Variants in SV2C observed in about 807,000 individuals in gnomAD.
SV2C encodes solute carrier family 22 member B3.
In SV2C, 49 loss-of-function variants were observed where a neutral mutation model predicts 79.7. The ratio of observed to expected loss-of-function variants is 0.61; its 90% CI spans 0.49 to 0.78. The LOEUF is 0.78. Among genes scored for constraint, SV2C ranks in the 30% least tolerant of loss-of-function variants. The probability of loss-of-function intolerance (pLI) is 0.00; values close to 1 mark genes in which losing one functional copy is unlikely to be tolerated. For missense variants in SV2C, 833 were observed against 912.9 expected, an observed-to-expected ratio of 0.91 and a Z score of 1.13; for synonymous variants, 334 against 333.2, an observed-to-expected ratio of 1.00 and a Z score of -0.03.
chr5:76,025,104 T>C, the SV2C span, among the ~76,000 whole-genome samples: 30,258 of 151,856 alleles, frequency 0.2, 3,418 homozygotes, highest in East Asian at 0.49. Flanking sequence ...TGGAATCAAT[T>C]TGAAAACACA....
At chr5:76,288,601 G>T (rs1387484940) in intron 6 of SV2C, among the ~76,000 whole-genome samples, 1 of 152,156 alleles carries the variant, frequency 6.6e-6, no homozygotes, top group African/African-American at 2.4e-5. Context: ...TTCTGAGAAG[G>T]TGTCTCTATA....
At chr5:75,892,571 C>T in the SV2C span, among the ~76,000 whole-genome samples, 39 of 152,164 alleles carry the variant, frequency 2.6e-4, no homozygotes, top group African/African-American at 8.4e-4. Flanking sequence ...AGGATTTCAA[C>T]ACTTGGCTCC....
chr5:76,150,100 C>T (rs1895391), intron 2 of SV2C, among the ~76,000 whole-genome samples: 62,781 of 152,000 alleles, frequency 0.41, 13,550 homozygotes, highest in Middle Eastern at 0.51. Context: ...TCCTGCTGCA[C>T]GATCACTTTA....
At chr5:75,972,529 A>G in the SV2C span, among the ~76,000 whole-genome samples, 1 of 152,180 alleles carries the variant, frequency 6.6e-6, no homozygotes, top group Non-Finnish European at 1.5e-5. Flanking sequence ...ATATGAACAG[A>G]CACTTCTCAA....
chr5:76,088,235 G>A (rs1561210032), intron 1 of SV2C, among the ~76,000 whole-genome samples: 1 of 152,152 alleles, frequency 6.6e-6, no homozygotes, highest in Non-Finnish European at 1.5e-5. Flanking sequence ...TCCTCATAAA[G>A]TTATTAGAGA....
chr5:75,890,067 A>G, the SV2C span, among the ~76,000 whole-genome samples: 37 of 152,290 alleles, frequency 2.4e-4, no homozygotes, highest in African/African-American at 7.9e-4. Flanking sequence ...TTACAGATTT[A>G]GTATGTCAAC....
chr5:76,214,689 T>A (rs1744865439), intron 4 of SV2C, among the ~76,000 whole-genome samples: 2 of 152,248 alleles, frequency 1.3e-5, no homozygotes, highest in Admixed American at 1.3e-4. Context: ...TTTGCCATCT[T>A]CCATTTCTTT....
At chr5:76,255,999 A>G (rs909492978) in intron 4 of SV2C, among the ~76,000 whole-genome samples, 2 of 152,224 alleles carry the variant, frequency 1.3e-5, no homozygotes, top group Non-Finnish European at 2.9e-5. Flanking sequence ...AATGCAAAAT[A>G]TGTGCTAGGT....
chr5:76,322,175 C>CA (rs1262138560), intron 12 of SV2C, among the ~76,000 whole-genome samples: 1 of 152,182 alleles, frequency 6.6e-6, no homozygotes, highest in African/African-American at 2.4e-5. Flanking sequence ...AGCTGATAAG[C>CA]AACTTCAGCA....
At chr5:76,314,453 A>T (rs564216597) in intron 12 of SV2C, among the ~76,000 whole-genome samples, 3 of 150,988 alleles carry the variant, frequency 2.0e-5, no homozygotes, top group African/African-American at 7.3e-5. Flanking sequence ...AACAAAGTGG[A>T]GGAAAGCACT....
upstream of SV2C, chr5:76,078,537 G>T (rs544847049): frequency 3.5e-6 from 1 of 283,782 alleles, no homozygotes; most frequent in East Asian, 8.5e-5. Flanking sequence ...TTAACAAGAC[G>T]AACATTGGTA....
the SV2C span, among the ~76,000 whole-genome samples, chr5:75,988,119 G>C: frequency 1.3e-5 from 2 of 152,072 alleles, no homozygotes; most frequent in Middle Eastern, 6.8e-3. Flanking sequence ...GTGCATGTAT[G>C]TGTGCACACA....
chr5:75,972,764 T>C, the SV2C span, among the ~76,000 whole-genome samples: 1 of 152,098 alleles, frequency 6.6e-6, no homozygotes, highest in Non-Finnish European at 1.5e-5. Context: ...TGGAAGTCCG[T>C]GTGGCAATTC....
At chr5:76,206,685 G>T (rs1474287352) in intron 3 of SV2C, among the ~76,000 whole-genome samples, 1 of 152,174 alleles carries the variant, frequency 6.6e-6, no homozygotes, top group Non-Finnish European at 1.5e-5. Context: ...TGTCCACTGG[G>T]CCAGTTAATG....
At chr5:76,015,759 C>T in the SV2C span, among the ~76,000 whole-genome samples, 1 of 151,832 alleles carries the variant, frequency 6.6e-6, no homozygotes, top group Admixed American at 6.6e-5. Flanking sequence ...ACTAATTTAC[C>T]CTGCGGCAAA....
intron 8 of SV2C, among the ~76,000 whole-genome samples, chr5:76,294,414 G>A (rs760853328): frequency 4.1e-5 from 6 of 145,968 alleles, no homozygotes; most frequent in Non-Finnish European, 7.4e-5. Flanking sequence ...CTATTCTTCT[G>A]CCTCAGTTTC....
chr5:76,061,961 TA>T, the SV2C span, among the ~76,000 whole-genome samples: 89,354 of 151,832 alleles, frequency 0.59, 28,576 homozygotes, highest in African/African-American at 0.85. Context: ...GGCTTTTTTT[TA>T]ACCTGTTATT....
chr5:76,006,605 C>G, the SV2C span, among the ~76,000 whole-genome samples: 4 of 152,140 alleles, frequency 2.6e-5, no homozygotes, highest in Non-Finnish European at 4.4e-5. Context: ...TGCCTTCTTG[C>G]CTCATCTCCT....
the SV2C span, among the ~76,000 whole-genome samples, chr5:76,023,850 T>C: frequency 6.6e-6 from 1 of 151,888 alleles, no homozygotes; most frequent in African/African-American, 2.4e-5. Flanking sequence ...ACCTCAGCAT[T>C]ATTGATATTT....
Sources: gnomAD v4.1 joint callset for allele counts (sites outside exome capture counted in the v4.1 genomes callset) on GRCh38, gnomAD v4.1.1 for gene constraint, MANE v1.5 for transcripts, NCBI Gene and HGNC (gene_info 2026-07-23, HGNC 2026-07-21) for gene names.